NKAIN4: variants seen among roughly 807,000 people sequenced by gnomAD.
NKAIN4 encodes sodium/potassium transporting ATPase interacting 4, also known as sodium/potassium-transporting ATPase subunit beta-1-interacting protein 4.
In NKAIN4, 28 loss-of-function variants were observed where a neutral mutation model predicts 28.8. The ratio of observed to expected loss-of-function variants is 0.97; its 90% confidence interval spans 0.72 to 1.33. The LOEUF (loss-of-function observed/expected upper bound fraction) is 1.33. Ranked by LOEUF, NKAIN4 falls within the 40% of genes most tolerant of loss-of-function variation. NKAIN4 has a pLI of 0.00. For synonymous variants in NKAIN4, 122 were observed against 115.6 expected, an observed-to-expected ratio of 1.06 and a Z score of -0.36; for missense variants, 289 against 277.2, an observed-to-expected ratio of 1.04 and a Z score of -0.30.
chr20:63,249,336 C>T lies in NKAIN4; in HGVS notation c.193-441G>A, dbSNP rs146827748. On this transcript the variant is annotated intron_variant, in intron 2 of 6. Transcript: ENST00000370316. ...TAAAGTTTTGCGGACACAGCCACAC[C>T]CATTTGTGCACACACAGCCCAGCTG... is the stretch of plus-strand genomic sequence containing the variant. 11 of 228,568 alleles carry T rather than the reference C, an allele frequency of 4.8e-5. No homozygotes were observed. The East Asian group carries it at 1.1e-3, about 22-fold the overall frequency. 14.2% of individuals were successfully genotyped at this position (228,568 alleles called of 1,614,324 possible). A position where few individuals can be genotyped will look rare whatever the true frequency, so the allele number is the denominator to read the frequency against.
intron 4 of NKAIN4, 75 bp from the exon 5 acceptor site, chr20:63,244,159 G>A (rs559962254): frequency 2.1e-5 from 28 of 1,363,826 alleles, no homozygotes; most frequent in East Asian, 1.9e-4. Context: ...GATGTGGGCC[G>A]AAGCACTGGA....
In NKAIN4 at chr20:63,241,505, G is replaced by T. The variant is rs1233052054; in HGVS notation, c.619C>A (p.Pro207Thr). 2.1e-5 allele frequency: 32 copies of T among 1,550,240 alleles called. No homozygotes were observed. Among genetic ancestry groups the T allele is most frequent in the Non-Finnish European group, 2.8e-5 (32 of 1,146,868 alleles). ...ATCAGCTGTTTCCTCACTTACGCAG[G>T]CCTGTGGGGACAAGGTCAGAGAGCA... ...SSLLSKQVYLPA is the reference protein window; with the variant it reads ...SSLLSKQVYLTA The change falls in exon 7 of 7, where the codon CCT (proline) becomes ACT (threonine). Residue 207 changes from proline (P) to threonine (T), a missense_variant and splice_region_variant. Coordinates refer to ENST00000370316, the MANE Select transcript of NKAIN4 (RefSeq NM_152864.4).
rs1045398216 is a variant in NKAIN4 at position 63,253,218 on chromosome 20, T to C, written c.54+1179A>G. 5.1e-6 allele frequency: 5 copies of C among 985,338 alleles called. No individual in the cohort carries two copies. The African/African-American group carries it at 8.7e-5, about 17-fold the overall frequency. The allele number at this position is 985,338 out of a possible 1,614,324, so 61.0% of individuals were successfully genotyped here. A position where few individuals can be genotyped will look rare whatever the true frequency, so the allele number is the denominator to read the frequency against. Reference sequence around the variant, plus strand: ...CTCCTGCCATTGAGGAGCCACTCACTGAAAGATACCAACTGTTCCAAGGCC... The same window carrying C: ...CTCCTGCCATTGAGGAGCCACTCACCGAAAGATACCAACTGTTCCAAGGCC... On this transcript the variant is annotated intron_variant, in intron 1 of 6. Transcript: ENST00000370316.
intron 1 of NKAIN4, among the ~76,000 whole-genome samples, chr20:63,250,897 C>T (rs1438807248): frequency 1.4e-5 from 2 of 143,510 alleles, no homozygotes; most frequent in Admixed American, 1.4e-4. Context: ...CCATCCCCCA[C>T]CCCAGCCGCC....
In NKAIN4 at chr20:63,241,194, C is replaced by T. The variant is rs2066743962; in HGVS notation, c.*303G>A. On this transcript the variant is annotated 3_prime_UTR_variant, in exon 7 of 7. Transcript: ENST00000370316. ...ACGAGACGACAGCCTGGGGGCAGAG[C>T]TGTGACCCCCATGTTGCCAGAGGAG... The T allele has an allele frequency of 2.5e-6, 1 of 395,664 alleles. No homozygotes were observed. Among genetic ancestry groups the T allele is most frequent in the South Asian group, 2.6e-5 (1 of 38,080 alleles). 24.5% of individuals were successfully genotyped at this position (395,664 alleles called of 1,614,324 possible). A position where few individuals can be genotyped will look rare whatever the true frequency, so the allele number is the denominator to read the frequency against.
intron 4 of NKAIN4, chr20:63,244,651 C>A: frequency 2.4e-6 from 1 of 422,554 alleles, no homozygotes; most frequent in South Asian, 1.7e-5. Flanking sequence ...GGGCAGGGGT[C>A]AGGCAGGGAG....
intron 5 of NKAIN4, among the ~76,000 whole-genome samples, chr20:63,243,448 C>T (rs2066797703): frequency 6.6e-6 from 1 of 152,142 alleles, no homozygotes; most frequent in Non-Finnish European, 1.5e-5. Context: ...CCAGACCCTG[C>T]TTGGCGTCTG....
At position 63,245,970 on chromosome 20, in the gene NKAIN4, C is replaced by G. The variant is rs1465707056; in HGVS notation, c.471+1608G>C. On this transcript the variant is annotated intron_variant, in intron 4 of 6. Coordinates refer to ENST00000370316, the MANE Select transcript of NKAIN4 (RefSeq NM_152864.4). The surrounding 1 kb of genome is among the most constrained non-coding windows in gnomAD (Gnocchi z 4.7). The stretch of plus-strand genomic sequence containing the variant: ...TGAGACAGAGTCTCGCTCTGTCACC[C>G]AGGCTGGAGTGCAGTGGCGTGATCT... Among the ~76,000 whole-genome samples the G allele has an allele frequency of 6.6e-6, 1 of 151,728 alleles. No homozygotes were observed. The highest frequency in any genetic ancestry group is 2.4e-5 in the African/African-American group (1 of 41,234).
intron 1 of NKAIN4, chr20:63,254,155 C>T (rs2067011117): frequency 4.7e-6 from 2 of 428,548 alleles, no homozygotes; most frequent in African/African-American, 2.1e-5. Context: ...CCCGCCGCTC[C>T]GGACCCGCGG....
rs1325805927 is a variant in NKAIN4 at position 63,254,393 on chromosome 20, T to C, written c.54+4A>G. Reference sequence around the variant, plus strand: ...AGGAGGCTCGCGGAGGGGTCGCCACTCACCAGCTGAAAAGCGCAGAGGACG... The same window carrying C: ...AGGAGGCTCGCGGAGGGGTCGCCACCCACCAGCTGAAAAGCGCAGAGGACG... On this transcript the variant is annotated splice_donor_region_variant and intron_variant, in intron 1 of 6. Coordinates refer to ENST00000370316, the MANE Select transcript of NKAIN4 (RefSeq NM_152864.4). 2.1e-6 allele frequency: 3 copies of C among 1,451,122 alleles called. No individual in the cohort carries two copies. The South Asian group carries it at 4.0e-5, about 19-fold the overall frequency. 89.9% of individuals were successfully genotyped at this position (1,451,122 alleles called of 1,614,324 possible).
chr20:63,249,722 C>T (rs78618692), intron 2 of NKAIN4, among the ~76,000 whole-genome samples: 2,566 of 152,266 alleles, frequency 0.017, 34 homozygotes, highest in Non-Finnish European at 0.025. Flanking sequence ...ATATATGCAG[C>T]TGCTCCTTCA....
Position 63,246,399 on chromosome 20 carries a change from C to G in NKAIN4, c.471+1179G>C, listed in dbSNP as rs114972479. On this transcript the variant is annotated intron_variant, in intron 4 of 6. Transcript: ENST00000370316. Reference sequence around the variant, plus strand: ...GACTGGCTTTGGTGGGAGAAACAGGCCCCGACTGGAGCTGGCAGGGTGCGT... The same window carrying G: ...GACTGGCTTTGGTGGGAGAAACAGGGCCCGACTGGAGCTGGCAGGGTGCGT... Among the ~76,000 whole-genome samples the G allele has an allele frequency of 5.7e-3, 875 of 152,346 alleles. 8 individuals carry two copies. Among genetic ancestry groups the G allele is most frequent in the African/African-American group, 0.02 (816 of 41,592 alleles).
upstream of NKAIN4, chr20:63,254,489 C>A: frequency 7.8e-7 from 1 of 1,280,896 alleles, no homozygotes; most frequent in South Asian, 2.3e-5. Flanking sequence ...GTGCCCCGCG[C>A]TCGGCCCCCG....
At chr20:63,251,587 GA>G (rs1206691693) in intron 1 of NKAIN4, among the ~76,000 whole-genome samples, 1 of 152,232 alleles carries the variant, frequency 6.6e-6, no homozygotes, top group African/African-American at 2.4e-5. Context: ...GGGCGTGACA[GA>G]AGGCTCACAC....
Position 63,248,861 on chromosome 20 carries a change from T to G in NKAIN4, c.227A>C (p.Asn76Thr). ...CAGGTAGAAGCAGATGATGAAGACG[T>G]TCCAGGTGACCCAGACGGCTGCCCA... ...TLWAAVWVTW[N>T]VFIICFYLEV... The change falls in exon 3 of 7, where the codon AAC (asparagine) becomes ACC (threonine). Residue 76 changes from asparagine to threonine, a missense_variant. Asn to Thr is a moderately conservative substitution (Grantham distance 65, BLOSUM62 0). Coordinates refer to ENST00000370316, the MANE Select transcript of NKAIN4 (RefSeq NM_152864.4). 1 of 1,612,832 alleles carries G rather than the reference T, an allele frequency of 6.2e-7. No homozygotes were observed. The highest frequency in any genetic ancestry group is 8.5e-7 in the Non-Finnish European group (1 of 1,179,876).
At chr20:63,246,638 G>GC in intron 4 of NKAIN4, 1 of 985,356 alleles carries the variant, frequency 1.0e-6, no homozygotes, top group Non-Finnish European at 1.2e-6. Context: ...CTGGTGTGTT[G>GC]CGTCGACACC....
In NKAIN4 at chr20:63,249,971, G is replaced by A. The variant is rs563575178; in HGVS notation, c.156C>T (p.Phe52=). The A allele has an allele frequency of 4.1e-5, 66 of 1,613,446 alleles. 1 individual carries two copies. The highest frequency in any genetic ancestry group is 1.8e-4 in the East Asian group (8 of 44,868). The part of the protein sequence containing the change: ...VHIIIVILGL[F]GTIQYRLRYV... The stretch of plus-strand genomic sequence containing the variant: ...AGCGCAGCCGGTACTGGATGGTGCC[G>A]AAGAGTCCCAGGATGACGATGATGA... The change falls in exon 2 of 7, where the codon TTC becomes TTT. Residue 52 remains phenylalanine (F), a synonymous_variant. Transcript: ENST00000370316.
intron 2 of NKAIN4, 58 bp downstream of exon 2, chr20:63,249,877 C>T (rs954647473): frequency 1.4e-5 from 22 of 1,539,774 alleles, no homozygotes; most frequent in Middle Eastern, 1.7e-4. Context: ...CCATGGGAGC[C>T]GCCATCCTGG....
At chr20:63,247,422 T>C (rs1011123283) in intron 4 of NKAIN4, 156 bp downstream of exon 4, 3 of 1,538,596 alleles carry the variant, frequency 1.9e-6, no homozygotes, top group Non-Finnish European at 1.7e-6. Flanking sequence ...CCACCCGTGA[T>C]ACCTTAACCT....
Sources: allele counts gnomAD v4.1 joint callset (sites outside exome capture counted in the v4.1 genomes callset), GRCh38; gene constraint gnomAD v4.1.1; non-coding constraint Gnocchi (gnomAD v3.1); transcripts MANE v1.5; gene names NCBI Gene and HGNC (gene_info 2026-07-23, HGNC 2026-07-21).